The following C1GALT1 variants were observed in gnomAD, a reference collection of about 807,000 sequenced individuals.
C1GALT1 encodes core 1 synthase, glycoprotein-N-acetylgalactosamine 3-beta-galactosyltransferase 1.
A neutral mutation model predicts 31.0 loss-of-function variants in C1GALT1; 11 were observed. The observed-to-expected ratio is 0.36, with a 90% CI of 0.22 to 0.59. The LOEUF is 0.59. Ranked by LOEUF, C1GALT1 falls within the 20% of genes least tolerant of loss-of-function variation. The probability of loss-of-function intolerance (pLI) is 0.79; values close to 1 mark genes in which losing one functional copy is unlikely to be tolerated. For missense variants in C1GALT1, 424 were observed against 425.2 expected (o/e 1.00, Z 0.03); for synonymous variants, 175 against 143.6 (o/e 1.22, Z -1.56).
intron 1 of C1GALT1, among the ~76,000 whole-genome samples, chr7:7,204,584 T>G (rs1781657182): frequency 6.6e-6 from 1 of 152,136 alleles, no homozygotes; most frequent in African/African-American, 2.4e-5. Flanking sequence ...TATTGTTTTA[T>G]TTCTTCTGCT....
chr7:7,229,232 CT>C (rs1009136262), intron 1 of C1GALT1, among the ~76,000 whole-genome samples: 57 of 152,222 alleles, frequency 3.7e-4, no homozygotes, highest in African/African-American at 1.2e-3. Context: ...GGTGAAGTGG[CT>C]GTGTATGGTA....
chr7:7,197,323 G>C (rs1043159178), intron 1 of C1GALT1, among the ~76,000 whole-genome samples: 6 of 152,092 alleles, frequency 3.9e-5, no homozygotes, highest in Non-Finnish European at 5.9e-5. Flanking sequence ...GCTTGTTTTT[G>C]TCGGGTTTGT....
chr7:7,211,181 T>C (rs1351684010), intron 1 of C1GALT1, among the ~76,000 whole-genome samples: 1 of 152,138 alleles, frequency 6.6e-6, no homozygotes, highest in Non-Finnish European at 1.5e-5. Flanking sequence ...AGAGTTACAG[T>C]ATTGAGTATA....
chr7:7,232,484 GT>G (rs67013405), intron 1 of C1GALT1, among the ~76,000 whole-genome samples: 33,088 of 132,574 alleles, frequency 0.25, 4,249 homozygotes, highest in East Asian at 0.37. Context: ...AAGGGCGTGG[GT>G]TTTTTTTTTT....
rs184256604 is a variant in C1GALT1 at position 7,238,204 on chromosome 7, T to A, written c.221-51T>A. The A allele has an allele frequency of 1.3e-4, 189 of 1,436,200 alleles. 1 individual carries two copies. In the African/African-American group the frequency reaches 2.4e-3, roughly 18 times the overall value. 89.0% of individuals were successfully genotyped at this position (1,436,200 alleles called of 1,614,324 possible). The stretch of plus-strand genomic sequence containing the variant: ...CTTTCTTCAGTATAATTTATTAATA[T>A]TTGGATTTTACATCTATGTAAATAA... On this transcript the variant is annotated intron_variant, in intron 2 of 3. Transcript: ENST00000436587. The surrounding 1 kb of genome is among the most constrained non-coding windows in gnomAD (Gnocchi z 5.2).
rs1224891636 is a variant in C1GALT1 at position 7,210,909 on chromosome 7, C to T, written c.-17-23394C>T. On this transcript the variant is annotated intron_variant, in intron 1 of 3. Coordinates refer to ENST00000436587, the MANE Select transcript of C1GALT1 (RefSeq NM_020156.5). Reference sequence around the variant, plus strand: ...GATGCTTTAAAAAATGAAAACTTTCCAAGGACCCCTTTTTCTTCTCTGCCT... The same window carrying T: ...GATGCTTTAAAAAATGAAAACTTTCTAAGGACCCCTTTTTCTTCTCTGCCT... Among the ~76,000 whole-genome samples, 6 of 152,264 alleles carry T rather than the reference C, an allele frequency of 3.9e-5. No individual in the cohort carries two copies. In the East Asian group the frequency reaches 1.2e-3, roughly 29 times the overall value.
intron 3 of C1GALT1, among the ~76,000 whole-genome samples, chr7:7,240,192 C>T (rs951130667): frequency 2.0e-5 from 3 of 152,222 alleles, no homozygotes; most frequent in African/African-American, 7.2e-5. Flanking sequence ...TTGGTTGTTA[C>T]AGCTAGGAGG....
intron 1 of C1GALT1, among the ~76,000 whole-genome samples, chr7:7,210,850 T>C (rs747041812): frequency 4.7e-4 from 71 of 152,228 alleles, no homozygotes; most frequent in Non-Finnish European, 8.1e-4. Flanking sequence ...GGCCTGGCTT[T>C]AACAGCCGTG....
At chr7:7,198,018 A>G (rs1015629553) in intron 1 of C1GALT1, among the ~76,000 whole-genome samples, 3 of 151,816 alleles carry the variant, frequency 2.0e-5, no homozygotes, top group Admixed American at 6.6e-5. Context: ...CTAATTGAAT[A>G]CTCTTTGTTT....
upstream of C1GALT1, among the ~76,000 whole-genome samples, chr7:7,180,385 G>C (rs1780556938): frequency 6.6e-6 from 1 of 152,224 alleles, no homozygotes; most frequent in African/African-American, 2.4e-5. Context: ...ATGTTCATCA[G>C]AGACTTTTTT....
chr7:7,187,413 C>T (rs1390559776), intron 1 of C1GALT1, among the ~76,000 whole-genome samples: 2 of 148,268 alleles, frequency 1.3e-5, no homozygotes, highest in East Asian at 4.3e-4. Context: ...CCATGCCCAG[C>T]TAATTTCTTT....
chr7:7,215,301 A>G (rs1782185602), intron 1 of C1GALT1, among the ~76,000 whole-genome samples: 1 of 152,204 alleles, frequency 6.6e-6, no homozygotes, highest in Admixed American at 6.5e-5. Flanking sequence ...GATTGTTTAT[A>G]ACTGAAGACC....
At chr7:7,234,168 G>A in intron 1 of C1GALT1, 135 bp from the exon 2 acceptor site, 1 of 654,668 alleles carries the variant, frequency 1.5e-6, no homozygotes, top group Non-Finnish European at 2.6e-6. Context: ...GCAAATAGAG[G>A]GGTAAACTCA....
chr7:7,200,136 C>T (rs930277660), intron 1 of C1GALT1, among the ~76,000 whole-genome samples: 4 of 152,236 alleles, frequency 2.6e-5, no homozygotes, highest in East Asian at 1.9e-4. Flanking sequence ...TTCCTAGCAG[C>T]GATGGTCTTT....
intron 1 of C1GALT1, among the ~76,000 whole-genome samples, chr7:7,230,346 CTA>C (rs2128246976): frequency 6.6e-6 from 1 of 152,066 alleles, no homozygotes; most frequent in Non-Finnish European, 1.5e-5. Flanking sequence ...CATGTAACTA[CTA>C]GTTTTTTTTG....
chr7:7,182,496 C>T (rs954619422), upstream of C1GALT1: 7 of 152,290 alleles, frequency 4.6e-5, no homozygotes, highest in Admixed American at 3.3e-4. Flanking sequence ...CCGCCCCTCC[C>T]GCTCCGCCCT....
intron 1 of C1GALT1, among the ~76,000 whole-genome samples, chr7:7,211,856 A>C (rs1376439990): frequency 6.6e-6 from 1 of 152,194 alleles, no homozygotes; most frequent in African/African-American, 2.4e-5. Context: ...GAGTCACAGG[A>C]ATAAGCAGGG....
intron 2 of C1GALT1, among the ~76,000 whole-genome samples, chr7:7,236,002 C>T (rs1419303512): frequency 6.6e-6 from 1 of 152,170 alleles, no homozygotes; most frequent in African/African-American, 2.4e-5. Flanking sequence ...AACTTATAAC[C>T]TATTTTCTGT....
At chr7:7,206,465 G>A (rs1053771020) in intron 1 of C1GALT1, among the ~76,000 whole-genome samples, 3 of 151,716 alleles carry the variant, frequency 2.0e-5, no homozygotes, top group African/African-American at 7.3e-5. Context: ...ACCTGAAGTC[G>A]GGAGTCAAGA....
Sources: gnomAD v4.1 joint callset for allele counts (sites outside exome capture counted in the v4.1 genomes callset) on GRCh38, gnomAD v4.1.1 for gene constraint, Gnocchi (gnomAD v3.1) non-coding constraint, MANE v1.5 for transcripts, NCBI Gene and HGNC (gene_info 2026-07-23, HGNC 2026-07-21) for gene names.